Variants in MPP3 observed in about 807,000 individuals in gnomAD.
MPP3 encodes the protein MAGUK p55 scaffold protein 3.
MPP3 carries 48 observed loss-of-function variants against 80.7 expected under a neutral mutation model. The observed-to-expected ratio is 0.59, with a 90% CI of 0.47 to 0.76. The LOEUF (loss-of-function observed/expected upper bound fraction) is 0.76, where lower values mean the gene tolerates loss of function less well. MPP3 is among the 30% of genes least tolerant of loss of function. The pLI is 0.00. For synonymous variants in MPP3, 311 were observed against 297.6 expected (o/e 1.04, Z -0.46); for missense variants, 620 against 763.0 (o/e 0.81, Z 2.21).
At chr17:43,806,151 T>TTTTATTTA (rs141341983) in intron 19 of MPP3, among the ~76,000 whole-genome samples, 1 of 151,738 alleles carries the variant, frequency 6.6e-6, no homozygotes, top group African/African-American at 2.4e-5. Flanking sequence ...AACACATGGC[T>TTTTATTTA]TTTATTTATT....
rs78612567 is a variant in MPP3 at position 43,802,544 on chromosome 17, C to T, written c.1582-667G>A. 2.0e-3 allele frequency among the ~76,000 whole-genome samples: 300 copies of T among 152,284 alleles called. 1 individual carries two copies. The highest frequency in any genetic ancestry group is 7.0e-3 in the African/African-American group (290 of 41,552). On this transcript the variant is annotated intron_variant, in intron 19 of 19. Coordinates refer to ENST00000398389, the MANE Select transcript of MPP3 (RefSeq NM_001932.6). Reference sequence around the variant, plus strand: ...CTTTAATCAGATTGCTTTTCTGACACTTAACATTAAGGTATAGGCAACAAC... The same window carrying T: ...CTTTAATCAGATTGCTTTTCTGACATTTAACATTAAGGTATAGGCAACAAC...
At chr17:43,831,355 ACAC>A (rs760735332) in intron 4 of MPP3, 34 bp from the exon 5 acceptor site, 1 of 1,599,188 alleles carries the variant, frequency 6.3e-7, no homozygotes, top group East Asian at 2.2e-5. Context: ...TGCACCCTGG[ACAC>A]CACACATCCC....
chr17:43,811,060 T>C (rs1735837360), intron 17 of MPP3, 52 bp downstream of exon 17: 3 of 1,545,076 alleles, frequency 1.9e-6, no homozygotes, highest in African/African-American at 1.4e-5. Context: ...GGAATACAGA[T>C]ACAAAAACAC....
chr17:43,830,081 G>C lies in MPP3; in HGVS notation c.249C>G (p.Ser83=). 1.3e-6 allele frequency: 2 copies of C among 1,557,470 alleles called. No individual in the cohort carries two copies. Among genetic ancestry groups the C allele is most frequent in the East Asian group, 4.5e-5 (2 of 44,232 alleles). Residue 83 remains serine, a synonymous_variant, in exon 6 of 20, where the codon TCC becomes TCG. Transcript: ENST00000398389. ...EDVMEELQAA[S]VHSDERELLQ... ...GCAGCTCCCTCTCATCACTGTGCAC[G>C]GAGGCGGCCTGCAACTCCTCCATCA...
At chr17:43,819,732 G>A (rs528777386) in intron 11 of MPP3, among the ~76,000 whole-genome samples, 1 of 151,446 alleles carries the variant, frequency 6.6e-6, no homozygotes, top group Non-Finnish European at 1.5e-5. Flanking sequence ...TTAGTATACA[G>A]CCACTAAAAT....
At chr17:43,810,939 A>C in intron 17 of MPP3, 24 bp from the exon 18 acceptor site, 4 of 1,555,838 alleles carry the variant, frequency 2.6e-6, no homozygotes, top group Non-Finnish European at 3.5e-6. Flanking sequence ...AAAGGGGAAA[A>C]GGCCTTTAGT....
At chr17:43,831,746 G>A (rs1053749275) in intron 3 of MPP3, 69 bp from the exon 4 acceptor site, 1 of 1,446,712 alleles carries the variant, frequency 6.9e-7, no homozygotes, top group Admixed American at 1.9e-5. Context: ...AGGAGCCCGA[G>A]TGGGGCCTCA....
At position 43,818,097 on chromosome 17, in the gene MPP3, G is replaced by A. The variant is rs778948295; in HGVS notation, c.895C>T (p.Arg299Trp). ...KGFQERRLSY[R>W]RAAGTLPSPQ... ...CTCGGCAGGGTGCCCGCGGCTCTCC[G>A]GTAGCTTAGTCGTCTGCAGGGACAC... Residue 299 changes from arginine to tryptophan, a missense_variant, in exon 12 of 20, where the codon CGG (arginine) becomes TGG (tryptophan). Arg to Trp is a moderately radical substitution (Grantham distance 101). Coordinates refer to ENST00000398389, the MANE Select transcript of MPP3 (RefSeq NM_001932.6). 33 of 1,564,814 alleles carry A rather than the reference G, an allele frequency of 2.1e-5. No individual in the cohort carries two copies. Among genetic ancestry groups the A allele is most frequent in the African/African-American group, 4.1e-5 (3 of 73,124 alleles).
At chr17:43,819,184 C>T (rs550192577) in intron 11 of MPP3, 27 of 152,358 alleles carry the variant, frequency 1.8e-4, no homozygotes, top group African/African-American at 6.3e-4. Context: ...GGGGCCACAC[C>T]TTGAGGGCCA....
intron 14 of MPP3, 178 bp downstream of exon 14, chr17:43,815,860 C>T: frequency 2.9e-6 from 2 of 696,962 alleles, no homozygotes; most frequent in Non-Finnish European, 2.4e-6. Flanking sequence ...GGGCCCAATG[C>T]CTGGGCAGGC....
In MPP3 at chr17:43,814,002, C is replaced by T. The variant is rs766479530; in HGVS notation, c.1255+9G>A. 35 of 1,605,414 alleles carry T rather than the reference C, an allele frequency of 2.2e-5. No homozygotes were observed. The highest frequency in any genetic ancestry group is 2.9e-5 in the Non-Finnish European group (34 of 1,174,214). ...AGACAAACACACACTCCCACATGGG[C>T]CCTCTTACGTGGAACAGCGACGCCA... On this transcript the variant is annotated intron_variant, in intron 16 of 19. Coordinates refer to ENST00000398389, the MANE Select transcript of MPP3 (RefSeq NM_001932.6).
At chr17:43,829,983 A>G in intron 6 of MPP3, 44 bp downstream of exon 6, 6 of 1,595,340 alleles carry the variant, frequency 3.8e-6, no homozygotes, top group Non-Finnish European at 5.1e-6. Flanking sequence ...CCCCCATCCC[A>G]GGAGACCCAG....
rs55633754 is a variant in MPP3 at position 43,814,496 on chromosome 17, T to G, written c.1010-135A>C. On this transcript the variant is annotated intron_variant, in intron 14 of 19. Coordinates refer to ENST00000398389, the MANE Select transcript of MPP3 (RefSeq NM_001932.6). ...CTGACTTCTCCCAACCTCCTCCTGC[T>G]ACTGGAAGAGGTTGTTCAGGAAATA... is the stretch of plus-strand genomic sequence containing the variant. 1.5e-3 allele frequency: 1,189 copies of G among 785,996 alleles called. 12 individuals are homozygous for G. In the African/African-American group the frequency reaches 0.018, roughly 12 times the overall value. The allele number at this position is 785,996 out of a possible 1,614,324, so 48.7% of individuals were successfully genotyped here.
chr17:43,816,196 G>A, intron 13 of MPP3, 117 bp from the exon 14 acceptor site: 1 of 839,576 alleles, frequency 1.2e-6, no homozygotes, highest in Non-Finnish European at 1.8e-6. Context: ...GTCTCGTGGG[G>A]AGCTCAGGGG....
rs865814399 is a variant in MPP3, at chr17:43,819,735, A to G, written c.881+1127T>C. 3.3e-5 allele frequency among the ~76,000 whole-genome samples: 5 copies of G among 152,164 alleles called. 1 individual carries two copies. The Middle Eastern group carries it at 0.014, about 414-fold the overall frequency. Reference sequence around the variant, plus strand: ...GCTCCTGATGAGTTAGTATACAGCCACTAAAATCACACTACAAAAACGATG... The same window carrying G: ...GCTCCTGATGAGTTAGTATACAGCCGCTAAAATCACACTACAAAAACGATG... On this transcript the variant is annotated intron_variant, in intron 11 of 19. Transcript: ENST00000398389.
At chr17:43,818,221 C>T in intron 11 of MPP3, 111 bp from the exon 12 acceptor site, 1 of 885,118 alleles carries the variant, frequency 1.1e-6, no homozygotes, top group South Asian at 2.2e-5. Flanking sequence ...CAGGTGGGCA[C>T]ACACTGGACA....
chr17:43,803,187 C>T (rs1207639069), intron 19 of MPP3, among the ~76,000 whole-genome samples: 1 of 152,132 alleles, frequency 6.6e-6, no homozygotes, highest in Non-Finnish European at 1.5e-5. Context: ...ACACACCCAT[C>T]CTATAGACCT....
chr17:43,808,460 T>C lies in MPP3; in HGVS notation c.1581+496A>G, dbSNP rs1242734781. On this transcript the variant is annotated intron_variant, in intron 19 of 19. Coordinates refer to ENST00000398389, the MANE Select transcript of MPP3 (RefSeq NM_001932.6). ...TAGACTGGGCTGAACAAAGAATCTA[T>C]GACAGTGAAACAGAAGTTCATTTAG... is the stretch of plus-strand genomic sequence containing the variant. 7.2e-5 allele frequency among the ~76,000 whole-genome samples: 11 copies of C among 152,230 alleles called. 1 individual carries two copies.
At chr17:43,821,704 G>A (rs940212893) in intron 10 of MPP3, among the ~76,000 whole-genome samples, 1 of 151,962 alleles carries the variant, frequency 6.6e-6, no homozygotes, top group Non-Finnish European at 1.5e-5. Flanking sequence ...ACACTTCCTT[G>A]TTCTCTTCGA....
Sources: gnomAD v4.1 joint callset for allele counts (sites outside exome capture counted in the v4.1 genomes callset) on GRCh38, gnomAD v4.1.1 for gene constraint, MANE v1.5 for transcripts, NCBI Gene and HGNC (gene_info 2026-07-23, HGNC 2026-07-21) for gene names.